SEPTIN9: variants seen among roughly 807,000 people sequenced by gnomAD.
The protein encoded by SEPTIN9 is septin 9, also known as septin-9.
SEPTIN9 carries 13 observed loss-of-function variants against 56.6 expected under a neutral mutation model. The ratio of observed to expected loss-of-function variants is 0.23; its 90% CI spans 0.15 to 0.37. SEPTIN9 has a LOEUF of 0.37. Among genes scored for constraint, SEPTIN9 ranks in the 10% least tolerant of loss-of-function variants. The pLI is 1.00. For missense variants in SEPTIN9, 650 were observed against 823.1 expected, an observed-to-expected ratio of 0.79 and a Z score of 2.57; for synonymous variants, 332 against 334.1, an observed-to-expected ratio of 0.99 and a Z score of 0.07.
chr17:77,410,191 G>A (rs1325225420), intron 3 of SEPTIN9, among the ~76,000 whole-genome samples: 1 of 152,152 alleles, frequency 6.6e-6, no homozygotes, highest in African/African-American at 2.4e-5. Flanking sequence ...GAGATGCTCT[G>A]ATTAAAGTTG....
At position 77,350,610 on chromosome 17, in the gene SEPTIN9, A is replaced by AGTGTGTGT. The variant is rs57851361; in HGVS notation, c.76+43434_76+43441dup. Among the ~76,000 whole-genome samples the AGTGTGTGT allele has an allele frequency of 7.6e-3, 1,136 of 149,474 alleles. 15 individuals are homozygous for AGTGTGTGT. Among genetic ancestry groups the AGTGTGTGT allele is most frequent in the Admixed American group, 0.023 (348 of 15,046 alleles). On this transcript the variant is annotated intron_variant, in intron 2 of 11. Transcript: ENST00000427177. The stretch of plus-strand genomic sequence containing the variant: ...CTGCCTCTCTTCTCTCCTCCAGTGC[A>AGTGTGTGT]GTGTGTGTGTGTGTGTGTGTGTGTG...
intron 2 of SEPTIN9, chr17:77,373,638 G>A (rs1452985562): frequency 1.3e-6 from 2 of 1,502,872 alleles, no homozygotes; most frequent in Non-Finnish European, 1.8e-6. Context: ...GGTGCGCTGA[G>A]GGGAGACGGG....
At chr17:77,491,193 C>T (rs978364215) in intron 8 of SEPTIN9, among the ~76,000 whole-genome samples, 7 of 150,098 alleles carry the variant, frequency 4.7e-5, no homozygotes, top group South Asian at 4.2e-4. Flanking sequence ...AGGGGCCGTG[C>T]GACATGGCCC....
rs2032435361 is a variant in SEPTIN9 at position 77,310,162 on chromosome 17, A to G, written c.76+2965A>G. On this transcript the variant is annotated intron_variant, in intron 2 of 11. Transcript: ENST00000427177. This position sits in a 1 kb window ranked among gnomAD's most constrained non-coding sequence, Gnocchi z 4.7. ...TCTGGCTAATTTTTTTTGTATTTTT[A>G]GTAGACACAGGGTTTCACCATGTTG... is the stretch of plus-strand genomic sequence containing the variant. 6.6e-6 allele frequency among the ~76,000 whole-genome samples: 1 copy of G among 151,972 alleles called. No individual in the cohort carries two copies. The highest frequency in any genetic ancestry group is 1.5e-5 in the Non-Finnish European group (1 of 67,986).
At position 77,405,347 on chromosome 17, in the gene SEPTIN9, A is replaced by G. The variant is rs1036705720; in HGVS notation, c.721+2644A>G. Among the ~76,000 whole-genome samples, 6 of 152,074 alleles carry G rather than the reference A, an allele frequency of 3.9e-5. No individual in the cohort carries two copies. Among genetic ancestry groups the G allele is most frequent in the African/African-American group, 1.4e-4 (6 of 41,410 alleles). On this transcript the variant is annotated intron_variant, in intron 3 of 11. Transcript: ENST00000427177. The surrounding 1 kb of genome is among the most constrained non-coding windows in gnomAD (Gnocchi z 5.8). ...GAGCTTCCCCAGCAGTGGAAGTACA[A>G]TTTCATCAGGCCAGGAAGGGGAGAG...
Position 77,482,227 on chromosome 17 carries a change from A to G in SEPTIN9, c.805A>G (p.Asn269Asp), listed in dbSNP as rs1275626134. ...AGLKQAPASRNEKAPVDFGYV... is the reference protein window; with the variant it reads ...AGLKQAPASRDEKAPVDFGYV... Reference sequence around the variant, plus strand: ...GCTCAAGCAGGCGCCTGCATCACGGAACGAGAAGGCCCCGGTGGACTTCGG... The same window carrying G: ...GCTCAAGCAGGCGCCTGCATCACGGGACGAGAAGGCCCCGGTGGACTTCGG... The change falls in exon 4 of 12, where the codon AAC becomes GAC. Residue 269 changes from asparagine to aspartate, a missense_variant. Coordinates refer to ENST00000427177, the MANE Select transcript of SEPTIN9 (RefSeq NM_001113491.2). 1 of 1,612,782 alleles carries G rather than the reference A, an allele frequency of 6.2e-7. No individual in the cohort carries two copies. Among genetic ancestry groups the G allele is most frequent in the Non-Finnish European group, 8.5e-7 (1 of 1,179,820 alleles).
intron 2 of SEPTIN9, among the ~76,000 whole-genome samples, chr17:77,350,733 G>C (rs936949773): frequency 1.6e-4 from 24 of 150,270 alleles, no homozygotes; most frequent in Non-Finnish European, 3.1e-4. Flanking sequence ...TAAAGGAGCA[G>C]AGAGGAGGAA....
intron 3 of SEPTIN9, among the ~76,000 whole-genome samples, chr17:77,468,125 CG>C (rs1244970577): frequency 4.6e-5 from 7 of 151,996 alleles, no homozygotes; most frequent in Non-Finnish European, 1.0e-4. Flanking sequence ...ATTAGCCGGG[CG>C]TGGTGGCGGG....
chr17:77,284,847 C>CG (rs1307002400), intron 1 of SEPTIN9, among the ~76,000 whole-genome samples: 1 of 152,132 alleles, frequency 6.6e-6, no homozygotes, highest in Non-Finnish European at 1.5e-5. Context: ...TCAGGCTGAT[C>CG]TCGAACTCCT....
intron 2 of SEPTIN9, among the ~76,000 whole-genome samples, chr17:77,335,029 T>C (rs1479332983): frequency 6.6e-6 from 1 of 152,082 alleles, no homozygotes; most frequent in African/African-American, 2.4e-5. Context: ...TGTACGTATA[T>C]ACATATTGGC....
intron 3 of SEPTIN9, among the ~76,000 whole-genome samples, chr17:77,406,117 A>G (rs907850601): frequency 6.6e-6 from 1 of 152,180 alleles, no homozygotes; most frequent in African/African-American, 2.4e-5. Context: ...TTGCTCCCAG[A>G]CTGACTTCCC....
chr17:77,355,981 CAA>C (rs766969712), intron 2 of SEPTIN9, among the ~76,000 whole-genome samples: 4 of 92,374 alleles, frequency 4.3e-5, no homozygotes, highest in Non-Finnish European at 6.2e-5. Context: ...GACTCCGTCT[CAA>C]AAAAAAAAAA....
At chr17:77,430,901 G>T (rs2037103580) in intron 3 of SEPTIN9, among the ~76,000 whole-genome samples, 1 of 151,870 alleles carries the variant, frequency 6.6e-6, no homozygotes, top group South Asian at 2.1e-4. Context: ...TGAGGCAGGA[G>T]AATCTCTTGA....
In SEPTIN9 at chr17:77,460,309, G is replaced by A. The variant is rs555589536; in HGVS notation, c.722-21835G>A. On this transcript the variant is annotated intron_variant, in intron 3 of 11. Coordinates refer to ENST00000427177, the MANE Select transcript of SEPTIN9 (RefSeq NM_001113491.2). ...CCTGGTGTTTGTGGAGTGGGAGTGC[G>A]GGAAGGCCCCTACGTTGTGTGTGCC... Among the ~76,000 whole-genome samples the A allele has an allele frequency of 2.5e-4, 38 of 152,258 alleles. No individual in the cohort carries two copies. The South Asian group carries it at 7.1e-3, about 28-fold the overall frequency.
In SEPTIN9 at chr17:77,405,249, C is replaced by T. The variant is rs1432667355; in HGVS notation, c.721+2546C>T. The T allele has an allele frequency of 2.2e-6, 2 of 925,724 alleles. No individual in the cohort carries two copies. Among genetic ancestry groups the T allele is most frequent in the Non-Finnish European group, 3.2e-6 (2 of 619,198 alleles). 57.3% of individuals were successfully genotyped at this position (925,724 alleles called of 1,614,324 possible). On this transcript the variant is annotated intron_variant, in intron 3 of 11. Coordinates refer to ENST00000427177, the MANE Select transcript of SEPTIN9 (RefSeq NM_001113491.2). This position sits in a 1 kb window ranked among gnomAD's most constrained non-coding sequence, Gnocchi z 5.8. ...GTGCCGGGAGCCAGGCCCAGGGACA[C>T]AACCTGCGGGCTCTGCTTTCTGGAG...
At chr17:77,443,252 C>T (rs774507007) in intron 3 of SEPTIN9, among the ~76,000 whole-genome samples, 4 of 152,038 alleles carry the variant, frequency 2.6e-5, no homozygotes, top group Non-Finnish European at 4.4e-5. Flanking sequence ...CTCTGGGACA[C>T]ACTTGATGTT....
chr17:77,429,010 C>T lies in SEPTIN9; in HGVS notation c.721+26307C>T, dbSNP rs145855124. The stretch of plus-strand genomic sequence containing the variant: ...AGTGGTAAGCCGTCAGAGGAGGCAG[C>T]CGGTGAGAATGGGAGCATCTCAGCA... On this transcript the variant is annotated intron_variant, in intron 3 of 11. Coordinates refer to ENST00000427177, the MANE Select transcript of SEPTIN9 (RefSeq NM_001113491.2). This position sits in a 1 kb window ranked among gnomAD's most constrained non-coding sequence, Gnocchi z 5.2. The T allele has an allele frequency of 7.3e-3, 3,422 of 471,334 alleles. 139 individuals carry two copies. The highest frequency in any genetic ancestry group is 0.048 in the South Asian group (3,075 of 64,568). 29.2% of individuals were successfully genotyped at this position (471,334 alleles called of 1,614,324 possible). A position where few individuals can be genotyped will look rare whatever the true frequency, so the allele number is the denominator to read the frequency against.
At chr17:77,496,498 G>C (rs933822146) in intron 10 of SEPTIN9, 2 of 152,142 alleles carry the variant, frequency 1.3e-5, no homozygotes, top group African/African-American at 4.8e-5. Context: ...CTTGTTAAAA[G>C]GCCTTCTGTT....
intron 3 of SEPTIN9, among the ~76,000 whole-genome samples, chr17:77,428,642 G>T (rs1282305029): frequency 6.6e-6 from 1 of 152,152 alleles, no homozygotes; most frequent in East Asian, 1.9e-4. Flanking sequence ...AGAGGTTAGG[G>T]CACTAACCCT....
Sources: gnomAD v4.1 joint callset for allele counts (sites outside exome capture counted in the v4.1 genomes callset) on GRCh38, gnomAD v4.1.1 for gene constraint, Gnocchi (gnomAD v3.1) non-coding constraint, MANE v1.5 for transcripts, NCBI Gene and HGNC (gene_info 2026-07-23, HGNC 2026-07-21) for gene names.